Variants in HUWE1 observed in about 807,000 individuals in gnomAD.
HUWE1 encodes E3 ubiquitin-protein ligase HUWE1.
In HUWE1, 18 loss-of-function variants were observed where a neutral mutation model predicts 299.4. That is an observed-to-expected ratio of 0.06 (90% CI 0.04 to 0.09). HUWE1 has a LOEUF of 0.09. Among genes scored for constraint, HUWE1 ranks in the 10% least tolerant of loss-of-function variants. The probability of loss-of-function intolerance (pLI) is 1.00; values close to 1 mark genes in which losing one functional copy is unlikely to be tolerated. For missense variants in HUWE1, 1,832 were observed against 3,462.3 expected (o/e 0.53, Z 11.82); for synonymous variants, 1,317 against 1,286.1 (o/e 1.02, Z -0.51).
intron 60 of HUWE1, 80 bp from the exon 61 acceptor site, chrX:53,555,000 G>T: frequency 1.3e-6 from 1 of 769,595 alleles, no homozygotes. Context: ...AGCAAATGTG[G>T]CCTGATAAGT....
At chrX:53,665,478 A>C (rs1390686058) in intron 3 of HUWE1, among the ~76,000 whole-genome samples, 1 of 111,862 alleles carries the variant, frequency 8.9e-6, no homozygotes, top group Non-Finnish European at 1.9e-5. Flanking sequence ...AGGAATCTGA[A>C]ACCTCCAATG....
chrX:53,534,454 C>G (rs1204231607), intron 82 of HUWE1, 62 bp downstream of exon 82: 1 of 1,039,266 alleles, frequency 9.6e-7, no homozygotes, highest in Middle Eastern at 3.6e-4. Flanking sequence ...TTTGGTATCA[C>G]ACAAACTAGC....
At chrX:53,619,824 T>C (rs894328285) in intron 19 of HUWE1, among the ~76,000 whole-genome samples, 21 of 110,159 alleles carry the variant, frequency 1.9e-4, no homozygotes, top group Non-Finnish European at 3.0e-4. Flanking sequence ...GAGAAGAGAG[T>C]AAAGGAAGGC....
At chrX:53,542,671 CTG>C (rs2061392230) in intron 73 of HUWE1, 132 bp from the exon 74 acceptor site, 1 of 515,451 alleles carries the variant, frequency 1.9e-6, no homozygotes, top group Non-Finnish European at 3.5e-6. Context: ...GTGGGGAAAA[CTG>C]TAGCTATCCA....
At chrX:53,604,319 G>T (rs2065044228) in intron 26 of HUWE1, among the ~76,000 whole-genome samples, 2 of 111,883 alleles carry the variant, frequency 1.8e-5, no homozygotes, top group Admixed American at 1.9e-4. Context: ...CTGGTGGAAA[G>T]ATTAGAAAGT....
chrX:53,634,405 G>T, intron 7 of HUWE1, 107 bp from the exon 8 acceptor site: 2 of 558,833 alleles, frequency 3.6e-6, no homozygotes, highest in Non-Finnish European at 6.5e-6. Context: ...TTCTCTCTAT[G>T]TATATACACA....
chrX:53,621,092 C>T (rs2066120776), intron 19 of HUWE1, among the ~76,000 whole-genome samples: 1 of 111,765 alleles, frequency 8.9e-6, no homozygotes, highest in Admixed American at 9.5e-5. Context: ...AGACAGGAAG[C>T]CAGTTCTGGA....
At chrX:53,542,401 G>T in intron 74 of HUWE1, 42 bp downstream of exon 74, 1 of 856,801 alleles carries the variant, frequency 1.2e-6, no homozygotes, top group Non-Finnish European at 1.7e-6. Context: ...CAGAAGACTG[G>T]CTATCCCTTT....
chrX:53,611,058 T>C (rs1381965564), intron 23 of HUWE1, among the ~76,000 whole-genome samples: 1 of 109,986 alleles, frequency 9.1e-6, no homozygotes, highest in East Asian at 2.8e-4. Flanking sequence ...AGTCTGAGTG[T>C]AGAAAGGCAC....
At chrX:53,601,665 A>ATTT (rs34074990) in intron 28 of HUWE1, among the ~76,000 whole-genome samples, 3 of 93,745 alleles carry the variant, frequency 3.2e-5, no homozygotes, top group Admixed American at 1.2e-4. Flanking sequence ...GAAATTTGGA[A>ATTT]TTTTTTTTTT....
At chrX:53,589,919 A>G in intron 35 of HUWE1, 103 bp from the exon 36 acceptor site, 2 of 868,684 alleles carry the variant, frequency 2.3e-6, no homozygotes, top group Non-Finnish European at 3.3e-6. Flanking sequence ...GATTACCCTC[A>G]ACCTTCTCCT....
At chrX:53,634,081 T>C (rs782023074) in intron 8 of HUWE1, among the ~76,000 whole-genome samples, 155 bp downstream of exon 8, 1 of 111,936 alleles carries the variant, frequency 8.9e-6, no homozygotes, top group Admixed American at 9.4e-5. Context: ...CTGCTTCCTA[T>C]AGACGTGGTT....
Position 53,610,785 on chromosome X carries a change from A to G in HUWE1, c.2262-1876T>C, listed in dbSNP as rs186932647. 3.0e-4 allele frequency among the ~76,000 whole-genome samples: 33 copies of G among 111,525 alleles called. 1 individual carries two copies. The highest frequency in any genetic ancestry group is 9.1e-4 in the African/African-American group (28 of 30,677). On this transcript the variant is annotated intron_variant, in intron 23 of 83. Transcript: ENST00000262854. ...TGCACTCATTGCCTTTAAATTCCAG[A>G]CAATTGCTATTCAAGTTCTAAAGAT...
chrX:53,562,328 G>A, intron 53 of HUWE1, 84 bp from the exon 54 acceptor site: 2 of 1,099,502 alleles, frequency 1.8e-6, no homozygotes, highest in Admixed American at 2.5e-5. Flanking sequence ...TGAGTGGGAA[G>A]GTGATGGGAT....
chrX:53,662,695 T>C (rs1313101769), intron 3 of HUWE1, among the ~76,000 whole-genome samples: 2 of 112,125 alleles, frequency 1.8e-5, no homozygotes, highest in Non-Finnish European at 3.8e-5. Flanking sequence ...ATAAAATCTG[T>C]GATTGTCAGC....
At chrX:53,533,810 CAG>C (rs2060876864) in intron 83 of HUWE1, 195 bp downstream of exon 83, 1 of 481,822 alleles carries the variant, frequency 2.1e-6, no homozygotes, top group African/African-American at 2.3e-5. Context: ...GTTTACCTGA[CAG>C]TGTCTCCCCA....
intron 2 of HUWE1, among the ~76,000 whole-genome samples, 199 bp from the exon 3 acceptor site, chrX:53,680,385 T>G (rs1192414238): frequency 8.9e-6 from 1 of 112,361 alleles, no homozygotes; most frequent in Non-Finnish European, 1.9e-5. Flanking sequence ...ACTCTAATAC[T>G]TCTAACGCTT....
In HUWE1 at chrX:53,593,574, T is replaced by G. The variant is rs2064276022; in HGVS notation, c.3531A>C (p.Gly1177=). 8.3e-7 allele frequency: 1 copy of G among 1,207,376 alleles called. No individual in the cohort carries two copies. The highest frequency in any genetic ancestry group is 3.0e-5 in the East Asian group (1 of 33,817). ...FETFNWALSM[G]GKVPVSEGLE... ...ATCCCTCAGAAACAGGAACTTTACCTCCCATGGACAGAGCCCAGTTGAAAG... is the reference window on the plus strand; with the variant it reads ...ATCCCTCAGAAACAGGAACTTTACCGCCCATGGACAGAGCCCAGTTGAAAG... The change falls in exon 32 of 84, where the codon GGA becomes GGC. Residue 1177 remains glycine (G), a synonymous_variant. Transcript: ENST00000262854.
At chrX:53,683,845 T>TGGGGGGGGGGGGGGGG in intron 2 of HUWE1, 2 of 191,737 alleles carry the variant, frequency 1.0e-5, no homozygotes. Context: ...CCCTAGTCAC[T>TGGGGGGGGGGGGGGGG]GCCCCCCCAC....
Sources: gnomAD v4.1 joint callset for allele counts (sites outside exome capture counted in the v4.1 genomes callset) on GRCh38, gnomAD v4.1.1 for gene constraint, MANE v1.5 for transcripts, NCBI Gene and HGNC (gene_info 2026-07-23, HGNC 2026-07-21) for gene names.